Variants in CFAP99 observed in about 807,000 individuals in gnomAD.
CFAP99 encodes the protein cilia- and flagella-associated protein 99.
CFAP99 carries 84 observed loss-of-function variants against 82.7 expected under a neutral mutation model. The observed-to-expected ratio is 1.02, with a 90% CI of 0.85 to 1.22. The LOEUF is 1.22. CFAP99 is among the 50% of genes most tolerant of loss of function. The pLI, the probability that CFAP99 is intolerant of heterozygous loss-of-function variation, is 0.00. For missense variants in CFAP99, 1,059 were observed against 983.5 expected (o/e 1.08, Z -1.03); for synonymous variants, 456 against 429.5 (o/e 1.06, Z -0.76).
intron 8 of CFAP99, chr4:2,450,226 G>A: frequency 1.7e-6 from 1 of 577,036 alleles, no homozygotes; most frequent in Non-Finnish European, 3.1e-6. Flanking sequence ...TCCCCCAGGA[G>A]GAAGCTCACG....
intron 11 of CFAP99, among the ~76,000 whole-genome samples, chr4:2,453,616 T>A (rs551912921): frequency 6.6e-6 from 1 of 151,694 alleles, no homozygotes; most frequent in Non-Finnish European, 1.5e-5. Flanking sequence ...ATCTCATTTA[T>A]TTATCAGTGA....
Position 2,426,810 on chromosome 4 carries a change from C to T in CFAP99, c.111+224C>T, listed in dbSNP as rs141106493. 8.9e-4 allele frequency: 481 copies of T among 538,116 alleles called. 4 individuals carry two copies. Among genetic ancestry groups the T allele is most frequent in the African/African-American group, 8.2e-3 (430 of 52,432 alleles). 33.3% of individuals were successfully genotyped at this position (538,116 alleles called of 1,614,324 possible). ...GGTGAAAGAAGCCTTGGCCGGGACC[C>T]GGGATATGACATCCACACTGCGGTT... On this transcript the variant is annotated intron_variant, in intron 2 of 14. Coordinates refer to ENST00000635017, the Ensembl canonical transcript of CFAP99.
At chr4:2,439,159 C>A (rs1381172727) in intron 4 of CFAP99, among the ~76,000 whole-genome samples, 2 of 152,356 alleles carry the variant, frequency 1.3e-5, no homozygotes, top group African/African-American at 4.8e-5. Flanking sequence ...TGTTCTTGCT[C>A]CATTCTTACA....
At chr4:2,433,824 C>T (rs1265312307) in intron 2 of CFAP99, among the ~76,000 whole-genome samples, 2 of 152,234 alleles carry the variant, frequency 1.3e-5, no homozygotes, top group East Asian at 3.8e-4. Flanking sequence ...AGGGAAAAGC[C>T]AGTTCCCTGA....
intron 11 of CFAP99, among the ~76,000 whole-genome samples, chr4:2,457,676 C>T (rs1201498528): frequency 6.6e-6 from 1 of 152,218 alleles, no homozygotes; most frequent in South Asian, 2.1e-4. Flanking sequence ...GCCAGGTGAC[C>T]ACACACTCAT....
chr4:2,462,629 GC>G lies in CFAP99; in HGVS notation c.1851del (p.Arg619AspfsTer2). On this transcript the variant is annotated frameshift_variant, in exon 15 of 15. Transcript: ENST00000635017. LOFTEE classifies it low-confidence loss of function (END_TRUNC). This position sits in a 1 kb window ranked among gnomAD's most constrained non-coding sequence, Gnocchi z 4.1. ...GGGTGAGTCCGGATTGGTGGGAGGA[GC>G]CCGGGCGACTGAAAGCCGGGGCCGG... The G allele has an allele frequency of 7.6e-7, 1 of 1,317,052 alleles. No individual in the cohort carries two copies. The highest frequency in any genetic ancestry group is 1.5e-5 in the African/African-American group (1 of 64,752). 81.6% of individuals were successfully genotyped at this position (1,317,052 alleles called of 1,614,324 possible). A position where few individuals can be genotyped will look rare whatever the true frequency, so the allele number is the denominator to read the frequency against.
intron 14 of CFAP99, among the ~76,000 whole-genome samples, chr4:2,461,985 A>G (rs1164768059): frequency 6.6e-6 from 1 of 151,582 alleles, no homozygotes; most frequent in African/African-American, 2.4e-5. Flanking sequence ...TTTTAAAAAA[A>G]TGTTAAGTTT....
chr4:2,436,807 C>A, intron 2 of CFAP99, 67 bp from the exon 3 acceptor site: 2 of 1,222,600 alleles, frequency 1.6e-6, no homozygotes, highest in Non-Finnish European at 1.1e-6. Context: ...GCCCAAGTGT[C>A]CCACCCCCAC....
chr4:2,430,993 G>A (rs946229467), intron 2 of CFAP99, among the ~76,000 whole-genome samples: 1 of 151,434 alleles, frequency 6.6e-6, no homozygotes, highest in Admixed American at 6.6e-5. Flanking sequence ...GATTGCTTGA[G>A]TCCAGGAGTT....
chr4:2,458,883 T>G lies in CFAP99; in HGVS notation c.1303+19T>G. 3 of 1,530,106 alleles carry G rather than the reference T, an allele frequency of 2.0e-6. No homozygotes were observed. The highest frequency in any genetic ancestry group is 2.6e-6 in the Non-Finnish European group (3 of 1,143,782). The allele number at this position is 1,530,106 out of a possible 1,614,324, so 94.8% of individuals were successfully genotyped here. A position where few individuals can be genotyped will look rare whatever the true frequency, so the allele number is the denominator to read the frequency against. ...CAGACAGGTAGTCAGGAGCCAGATG[T>G]CACTGGCCCTACCCCGCTCTTCCCC... On this transcript the variant is annotated intron_variant, in intron 12 of 14. Transcript: ENST00000635017.
chr4:2,458,732 C>T, exon 12 of CFAP99: 1 of 1,533,680 alleles, frequency 6.5e-7, no homozygotes, highest in South Asian at 1.2e-5. Flanking sequence ...GATGGCCAAG[C>T]TGATGCTGCA....
Position 2,445,112 on chromosome 4 carries a change from T to C in CFAP99, c.465-19T>C. On this transcript the variant is annotated intron_variant, in intron 5 of 14. Coordinates refer to ENST00000635017, the Ensembl canonical transcript of CFAP99. ...CTTAGGGAGTGACCATAAGAGGTGT[T>C]TCCACTTTTGCCTTCAAGATGGCAG... 7.5e-7 allele frequency: 1 copy of C among 1,340,522 alleles called. No individual in the cohort carries two copies. The allele number at this position is 1,340,522 out of a possible 1,614,324, so 83.0% of individuals were successfully genotyped here.
intron 4 of CFAP99, among the ~76,000 whole-genome samples, chr4:2,441,977 C>T (rs1055403321): frequency 6.6e-6 from 1 of 152,170 alleles, no homozygotes; most frequent in African/African-American, 2.4e-5. Flanking sequence ...CCCCACAGCT[C>T]CAGGGAATCT....
rs1310881269 is a variant in CFAP99 at position 2,460,090 on chromosome 4, G to A, written c.1509G>A (p.Arg503=). The A allele has an allele frequency of 7.2e-6, 11 of 1,536,114 alleles. No homozygotes were observed. The East Asian group carries it at 2.2e-4, about 31-fold the overall frequency. The change falls in exon 14 of 15, where the codon CGG becomes CGA. Residue 503 remains arginine (R), a synonymous_variant. Coordinates refer to ENST00000635017, the Ensembl canonical transcript of CFAP99. ...TGTCCATAGTGGAGCTGCGAGAGCG[G>A]CTGGCCCTGCTCAAAGAGAATCAGC...
At chr4:2,439,615 A>G (rs1021292679) in intron 4 of CFAP99, among the ~76,000 whole-genome samples, 3 of 152,192 alleles carry the variant, frequency 2.0e-5, no homozygotes, top group African/African-American at 7.2e-5. Context: ...CACATTTTCC[A>G]TCTTCACAGA....
intron 3 of CFAP99, among the ~76,000 whole-genome samples, chr4:2,437,470 C>T (rs1733942198): frequency 6.6e-6 from 1 of 152,192 alleles, no homozygotes; most frequent in Non-Finnish European, 1.5e-5. Context: ...CATTGCAAGC[C>T]AGGTGGCCAG....
intron 4 of CFAP99, among the ~76,000 whole-genome samples, chr4:2,438,403 C>T (rs1045666608): frequency 6.6e-6 from 1 of 152,166 alleles, no homozygotes; most frequent in African/African-American, 2.4e-5. Flanking sequence ...GCTGGGACTA[C>T]AGGCGCCCGC....
Position 2,455,925 on chromosome 4 carries a change from C to A in CFAP99, c.1162-2798C>A, listed in dbSNP as rs937104198. ...CTCAATGTGTTTTAATGAACTATAA[C>A]TTTTGTTTCTGCTTGAGGTCCTAGT... On this transcript the variant is annotated intron_variant, in intron 11 of 14. Coordinates refer to ENST00000635017, the Ensembl canonical transcript of CFAP99. Among the ~76,000 whole-genome samples the A allele has an allele frequency of 3.1e-4, 47 of 152,282 alleles. 1 individual carries two copies. Among genetic ancestry groups the A allele is most frequent in the African/African-American group, 1.1e-3 (47 of 41,562 alleles).
chr4:2,449,937 C>A, exon 8 of CFAP99: 1 of 1,536,162 alleles, frequency 6.5e-7, no homozygotes, highest in South Asian at 1.2e-5. Flanking sequence ...GTGGCAGGAG[C>A]TGCTGCTGAG....
Sources: gnomAD v4.1 joint callset for allele counts (sites outside exome capture counted in the v4.1 genomes callset) on GRCh38, gnomAD v4.1.1 for gene constraint, Gnocchi (gnomAD v3.1) non-coding constraint, MANE v1.5 for transcripts, NCBI Gene and HGNC (gene_info 2026-07-23, HGNC 2026-07-21) for gene names.